Variants in SHOC2 observed in about 807,000 individuals in gnomAD.
The protein encoded by SHOC2 is SHOC2 leucine rich repeat scaffold protein.
Under a neutral mutation model 50.2 loss-of-function variants are expected in SHOC2, and 4 were observed. That is an observed-to-expected ratio of 0.08 (90% confidence interval 0.04 to 0.18). The LOEUF is 0.18. Ranked by LOEUF, SHOC2 falls within the 10% of genes least tolerant of loss-of-function variation. The pLI, the probability that SHOC2 is intolerant of heterozygous loss-of-function variation, is 1.00. For synonymous variants in SHOC2, 218 were observed against 244.5 expected (o/e 0.89, Z 1.01); for missense variants, 388 against 669.6 (o/e 0.58, Z 4.64).
chr10:110,984,849 G>C (rs1329004241), intron 2 of SHOC2, among the ~76,000 whole-genome samples: 2 of 152,086 alleles, frequency 1.3e-5, no homozygotes, highest in South Asian at 4.1e-4. Context: ...CAGAACACAT[G>C]CATATTTGAA....
At position 110,958,704 on chromosome 10, in the gene SHOC2, T is replaced by A. The variant is rs528442828; in HGVS notation, c.-234-5421T>A. On this transcript the variant is annotated intron_variant, in intron 1 of 8. Coordinates refer to ENST00000369452, the MANE Select transcript of SHOC2 (RefSeq NM_007373.4). ...GACTAGACTAGAATCTAAGTATAAA[T>A]TTGTTCAAAATTTTACTAATTTTCT... Among the ~76,000 whole-genome samples the A allele has an allele frequency of 1.1e-4, 16 of 152,276 alleles. No individual in the cohort carries two copies. The South Asian group carries it at 3.3e-3, about 32-fold the overall frequency.
At chr10:110,960,286 A>G (rs899059710) in intron 1 of SHOC2, among the ~76,000 whole-genome samples, 1 of 152,248 alleles carries the variant, frequency 6.6e-6, no homozygotes, top group African/African-American at 2.4e-5. Flanking sequence ...GCAGAAAGCA[A>G]TCTGTCTTGC....
At position 111,004,583 on chromosome 10, in the gene SHOC2, T is replaced by C. The variant is rs201111007; in HGVS notation, c.973-23T>C. On this transcript the variant is annotated intron_variant, in intron 4 of 8. Transcript: ENST00000369452. ...AGTCTCATCACAGTTCTAATTCTTATGTTTATTTCATTTTTTTTACAGAGT... is the reference window on the plus strand; with the variant it reads ...AGTCTCATCACAGTTCTAATTCTTACGTTTATTTCATTTTTTTTACAGAGT... The C allele has an allele frequency of 1.6e-3, 2,409 of 1,539,888 alleles. No individual in the cohort carries two copies. Among genetic ancestry groups the C allele is most frequent in the East Asian group, 2.1e-3 (94 of 44,528 alleles).
chr10:110,952,075 C>G (rs772514171), intron 1 of SHOC2, among the ~76,000 whole-genome samples: 9 of 152,108 alleles, frequency 5.9e-5, no homozygotes, highest in Non-Finnish European at 1.2e-4. Context: ...CTACTAGTTT[C>G]TCTTAAATAT....
At chr10:111,008,780 C>T (rs942438586) in intron 6 of SHOC2, among the ~76,000 whole-genome samples, 4 of 152,072 alleles carry the variant, frequency 2.6e-5, no homozygotes, top group Non-Finnish European at 5.9e-5. Context: ...GTAACTTTAT[C>T]GGAACAAAGG....
At chr10:110,939,987 A>G (rs1407112633) in intron 1 of SHOC2, among the ~76,000 whole-genome samples, 1 of 152,184 alleles carries the variant, frequency 6.6e-6, no homozygotes, top group Non-Finnish European at 1.5e-5. Context: ...TTTTTAACAT[A>G]CTTTTCAGAA....
At chr10:111,008,129 A>T (rs553204143) in intron 6 of SHOC2, among the ~76,000 whole-genome samples, 2 of 142,534 alleles carry the variant, frequency 1.4e-5, no homozygotes, top group South Asian at 2.3e-4. Context: ...TTTTAGTCCT[A>T]TTGTTTTCTG....
intron 4 of SHOC2, among the ~76,000 whole-genome samples, chr10:111,001,694 G>GA: frequency 6.6e-6 from 1 of 152,144 alleles, no homozygotes; most frequent in East Asian, 1.9e-4. Flanking sequence ...TTTTGACTTG[G>GA]TAGTTTTTCT....
chr10:111,005,128 A>C (rs1848445124), intron 5 of SHOC2, among the ~76,000 whole-genome samples: 1 of 151,982 alleles, frequency 6.6e-6, no homozygotes, highest in African/African-American at 2.4e-5. Context: ...TCTCGCAAAA[A>C]TTTTTTAAAA....
intron 1 of SHOC2, among the ~76,000 whole-genome samples, chr10:110,956,878 C>T (rs767999616): frequency 1.3e-5 from 2 of 151,306 alleles, no homozygotes; most frequent in Non-Finnish European, 2.9e-5. Context: ...AGTGAAATAT[C>T]TCGTAAGTAG....
chr10:110,964,668 C>G lies in SHOC2; in HGVS notation c.310C>G (p.Arg104Gly). 1 of 1,613,944 alleles carries G rather than the reference C, an allele frequency of 6.2e-7. No individual in the cohort carries two copies. Among genetic ancestry groups the G allele is most frequent in the South Asian group, 1.1e-5 (1 of 91,078 alleles). ...LNKCREENSM[R>G]LDLSKRSIHI... is the part of the protein sequence containing the mutation. ...CAAATGCCGGGAAGAGAATTCAATG[C>G]GTTTGGACTTATCCAAGAGATCTAT... is the stretch of plus-strand genomic sequence containing the variant. Residue 104 changes from arginine (R) to glycine (G), a missense_variant, in exon 2 of 9, where the codon CGT becomes GGT. Transcript: ENST00000369452. The surrounding 1 kb of genome is among the most constrained non-coding windows in gnomAD (Gnocchi z 4.9).
At chr10:110,998,013 T>A (rs1320891077) in intron 3 of SHOC2, among the ~76,000 whole-genome samples, 3 of 145,134 alleles carry the variant, frequency 2.1e-5, no homozygotes, top group Non-Finnish European at 4.5e-5. Context: ...TTTTTTTTTT[T>A]AATGAGACAA....
chr10:110,945,389 G>A (rs965920901), intron 1 of SHOC2, among the ~76,000 whole-genome samples: 1 of 152,184 alleles, frequency 6.6e-6, no homozygotes, highest in African/African-American at 2.4e-5. Context: ...GTTTCTTCAA[G>A]ACTACTGTGG....
At chr10:110,919,507 G>A, upstream of SHOC2, 1 of 389,400 alleles carries the variant, frequency 2.6e-6, no homozygotes, top group Non-Finnish European at 4.5e-6. Context: ...CGGGGAGGCT[G>A]GAGCGAGAGT....
At chr10:110,999,869 G>A (rs1260723401) in intron 3 of SHOC2, among the ~76,000 whole-genome samples, 1 of 151,778 alleles carries the variant, frequency 6.6e-6, no homozygotes, top group Non-Finnish European at 1.5e-5. Context: ...ACTTTGGTTT[G>A]TAAGTTTTGG....
chr10:110,951,054 A>G (rs1207748870), intron 1 of SHOC2, among the ~76,000 whole-genome samples: 1 of 152,256 alleles, frequency 6.6e-6, no homozygotes, highest in African/African-American at 2.4e-5. Flanking sequence ...CATCAACTGA[A>G]TAAGCTTCGG....
intron 1 of SHOC2, among the ~76,000 whole-genome samples, chr10:110,924,392 C>A (rs1376110768): frequency 6.6e-6 from 1 of 152,098 alleles, no homozygotes; most frequent in Non-Finnish European, 1.5e-5. Flanking sequence ...GAGGACAGGA[C>A]TGGAATGAAC....
intron 3 of SHOC2, among the ~76,000 whole-genome samples, chr10:110,996,134 A>G (rs981768824): frequency 6.6e-6 from 1 of 152,228 alleles, no homozygotes; most frequent in Non-Finnish European, 1.5e-5. Context: ...CAGTTAAACA[A>G]TAAGTAGCTA....
chr10:110,981,171 T>G (rs1378199919), intron 2 of SHOC2, among the ~76,000 whole-genome samples: 1 of 152,196 alleles, frequency 6.6e-6, no homozygotes, highest in Non-Finnish European at 1.5e-5. Flanking sequence ...AAGCAAGCAG[T>G]GAAGGACCTA....
Sources: allele counts gnomAD v4.1 joint callset (sites outside exome capture counted in the v4.1 genomes callset), GRCh38; gene constraint gnomAD v4.1.1; non-coding constraint Gnocchi (gnomAD v3.1); transcripts MANE v1.5; gene names NCBI Gene and HGNC (gene_info 2026-07-23, HGNC 2026-07-21).